Variants in STX8 observed in about 807,000 individuals in gnomAD.
STX8 encodes syntaxin-8.
STX8 carries 23 observed loss-of-function variants against 37.5 expected under a neutral mutation model. The ratio of observed to expected loss-of-function variants is 0.61; its 90% CI spans 0.44 to 0.87. STX8 has a LOEUF of 0.87. Ranked by LOEUF, STX8 falls within the 40% of genes least tolerant of loss-of-function variation. The probability of loss-of-function intolerance (pLI) is 0.00; values close to 1 mark genes in which losing one functional copy is unlikely to be tolerated. For missense variants in STX8, 313 were observed against 284.7 expected, an observed-to-expected ratio of 1.10 and a Z score of -0.71; for synonymous variants, 115 against 99.1, an observed-to-expected ratio of 1.16 and a Z score of -0.95.
intron 7 of STX8, among the ~76,000 whole-genome samples, chr17:9,326,682 T>C (rs1303019629): frequency 6.6e-6 from 1 of 152,196 alleles, no homozygotes; most frequent in East Asian, 1.9e-4. Flanking sequence ...GATAAGACAC[T>C]AGTGCTTATG....
chr17:9,366,647 CT>C (rs1220795519), intron 7 of STX8, among the ~76,000 whole-genome samples: 1 of 152,166 alleles, frequency 6.6e-6, no homozygotes, highest in Admixed American at 6.6e-5. Flanking sequence ...AAACAAAAAT[CT>C]TTTAAAAAGC....
intron 4 of STX8, 128 bp downstream of exon 4, chr17:9,545,044 G>A (rs1906446214): frequency 1.6e-6 from 1 of 634,716 alleles, no homozygotes; most frequent in South Asian, 2.1e-5. Flanking sequence ...GAAAATTATA[G>A]TCAAACACCA....
chr17:9,484,327 A>G (rs1245997082), intron 6 of STX8, among the ~76,000 whole-genome samples: 1 of 150,880 alleles, frequency 6.6e-6, no homozygotes, highest in East Asian at 2.0e-4. Context: ...ACAGGATCCT[A>G]GGGGAGCATG....
At chr17:9,524,365 T>A (rs886621353) in intron 4 of STX8, among the ~76,000 whole-genome samples, 2 of 152,172 alleles carry the variant, frequency 1.3e-5, no homozygotes, top group African/African-American at 4.8e-5. Flanking sequence ...AGATACGGTG[T>A]CTGGTGAGGA....
chr17:9,427,016 T>A (rs904262032), intron 6 of STX8, among the ~76,000 whole-genome samples: 1 of 152,158 alleles, frequency 6.6e-6, no homozygotes, highest in African/African-American at 2.4e-5. Context: ...TTTCTGTGAT[T>A]TTTATAACTA....
chr17:9,354,636 A>AT (rs1326380192), intron 7 of STX8, among the ~76,000 whole-genome samples: 1 of 151,832 alleles, frequency 6.6e-6, no homozygotes, highest in East Asian at 1.9e-4. Context: ...TACTCTTAAC[A>AT]TACTATAATC....
intron 6 of STX8, among the ~76,000 whole-genome samples, chr17:9,467,896 T>G (rs1905685039): frequency 6.6e-6 from 1 of 152,138 alleles, no homozygotes; most frequent in Non-Finnish European, 1.5e-5. Context: ...CTTGAAGTAG[T>G]GGGAGCTATA....
At chr17:9,384,655 AAACAAAACAG>A (rs1018687910) in intron 6 of STX8, among the ~76,000 whole-genome samples, 6 of 151,752 alleles carry the variant, frequency 4.0e-5, no homozygotes, top group Admixed American at 2.0e-4. Flanking sequence ...AAACAAAACA[AAACAAAACAG>A]AACAAAACAA....
At chr17:9,466,090 C>T (rs997458135) in intron 6 of STX8, among the ~76,000 whole-genome samples, 2 of 152,080 alleles carry the variant, frequency 1.3e-5, no homozygotes, top group Non-Finnish European at 1.5e-5. Context: ...CCTGCCTCAG[C>T]CTCCCGAGTA....
chr17:9,390,838 A>C (rs1912194129), intron 6 of STX8, among the ~76,000 whole-genome samples: 1 of 60,020 alleles, frequency 1.7e-5, no homozygotes, highest in African/African-American at 4.1e-5. Flanking sequence ...CTCCGTCTCA[A>C]AAAAAAAAAA....
chr17:9,461,656 C>G (rs972488501), intron 6 of STX8, among the ~76,000 whole-genome samples: 1 of 152,082 alleles, frequency 6.6e-6, no homozygotes, highest in Non-Finnish European at 1.5e-5. Context: ...GGACCAGTTT[C>G]ATGGAAGACA....
chr17:9,301,573 C>T (rs933400818), intron 7 of STX8, among the ~76,000 whole-genome samples: 41 of 151,726 alleles, frequency 2.7e-4, no homozygotes, highest in Non-Finnish European at 5.9e-4. Context: ...AGCTCCACCT[C>T]CCGCGTTCAC....
At chr17:9,531,747 CTAAA>C (rs1905827230) in intron 4 of STX8, among the ~76,000 whole-genome samples, 1 of 152,088 alleles carries the variant, frequency 6.6e-6, no homozygotes, top group East Asian at 1.9e-4. Flanking sequence ...CTTAATTTCC[CTAAA>C]TAATGTTTTA....
chr17:9,276,199 T>C (rs1439487207), intron 7 of STX8, among the ~76,000 whole-genome samples: 2 of 152,158 alleles, frequency 1.3e-5, no homozygotes. Context: ...TTTGGTCCAG[T>C]ACATGCAACT....
chr17:9,558,009 T>C (rs1907048143), intron 2 of STX8, among the ~76,000 whole-genome samples: 1 of 152,230 alleles, frequency 6.6e-6, no homozygotes, highest in Non-Finnish European at 1.5e-5. Context: ...GTAAAATTTA[T>C]AACCCAATGA....
intron 4 of STX8, 74 bp downstream of exon 4, chr17:9,545,098 T>C: frequency 1.1e-6 from 1 of 891,042 alleles, no homozygotes. Context: ...AAGTAAGCCA[T>C]TCAGGAAACA....
chr17:9,433,285 ATAACCCAAG>A (rs929265951), intron 6 of STX8, among the ~76,000 whole-genome samples: 2 of 152,252 alleles, frequency 1.3e-5, no homozygotes, highest in Non-Finnish European at 2.9e-5. Flanking sequence ...TCTTAACCAA[ATAACCCAAG>A]TCTTTAGTTT....
chr17:9,307,061 T>C (rs1183970156), intron 7 of STX8, among the ~76,000 whole-genome samples: 2 of 151,996 alleles, frequency 1.3e-5, no homozygotes, highest in African/African-American at 4.8e-5. Context: ...GAGGCAGAGG[T>C]TGCAGTGAGC....
chr17:9,388,522 T>C (rs1912094888), intron 6 of STX8, among the ~76,000 whole-genome samples: 1 of 151,376 alleles, frequency 6.6e-6, no homozygotes, highest in South Asian at 2.1e-4. Context: ...ATATACATTT[T>C]TTCGGGCGTG....
Sources: gnomAD v4.1 joint callset for allele counts (sites outside exome capture counted in the v4.1 genomes callset) on GRCh38, gnomAD v4.1.1 for gene constraint, MANE v1.5 for transcripts, NCBI Gene and HGNC (gene_info 2026-07-23, HGNC 2026-07-21) for gene names.